The following MYH1 variants were observed in gnomAD, a reference collection of about 807,000 sequenced individuals.
MYH1 encodes the protein myosin heavy chain 1, also known as myosin-1.
In MYH1, 214 loss-of-function variants were observed where a neutral mutation model predicts 225.6. The observed-to-expected ratio is 0.95, with a 90% CI of 0.85 to 1.06. The LOEUF (loss-of-function observed/expected upper bound fraction) is 1.06. Ranked by LOEUF, MYH1 falls within the 50% of genes least tolerant of loss-of-function variation. The pLI is 0.00. For synonymous variants in MYH1, 774 were observed against 842.3 expected (o/e 0.92, Z 1.40); for missense variants, 2,098 against 2,344.2 (o/e 0.89, Z 2.17).
In MYH1 at chr17:10,501,620, G is replaced by C. The variant is rs755759148; in HGVS notation, c.3322C>G (p.Leu1108Val). The C allele has an allele frequency of 6.2e-7, 1 of 1,614,218 alleles. No individual in the cohort carries two copies. The highest frequency in any genetic ancestry group is 8.5e-7 in the Non-Finnish European group (1 of 1,180,044). ...TGTAACTCCTTGATTTTCTTCTGCA[G>C]CTGCATACCAAGGGCTTGTTCATCT... is the stretch of plus-strand genomic sequence containing the variant. ...IEDEQALGMQ[L>V]QKKIKELQAR... Residue 1108 changes from leucine to valine, a missense_variant, in exon 26 of 40, where the codon CTG (leucine) becomes GTG (valine). Transcript: ENST00000226207.
intron 39 of MYH1, among the ~76,000 whole-genome samples, chr17:10,493,880 C>G (rs903140678): frequency 6.6e-6 from 1 of 152,204 alleles, no homozygotes; most frequent in Non-Finnish European, 1.5e-5. Context: ...CAGAACCGAC[C>G]TGAAAAGCTT....
At position 10,516,190 on chromosome 17, in the gene MYH1, A is replaced by G. The variant is rs750923259; in HGVS notation, c.348+9T>C. The G allele has an allele frequency of 6.2e-7, 1 of 1,614,138 alleles. No individual in the cohort carries two copies. The highest frequency in any genetic ancestry group is 8.5e-7 in the Non-Finnish European group (1 of 1,179,962). ...TCTCATGAGTAGAAGACCGTGAGAA[A>G]GAACTCACGTAGATCATCCAGGCTG... On this transcript the variant is annotated intron_variant, in intron 4 of 39. Coordinates refer to ENST00000226207, the MANE Select transcript of MYH1 (RefSeq NM_005963.4).
At chr17:10,502,040 T>G in intron 24 of MYH1, 129 bp from the exon 25 acceptor site, 1 of 943,872 alleles carries the variant, frequency 1.1e-6, no homozygotes, top group Non-Finnish European at 1.5e-6. Context: ...GTCCCATTGA[T>G]TCCATTCTCC....
At chr17:10,510,726 A>C (rs1359382588) in intron 14 of MYH1, among the ~76,000 whole-genome samples, 1 of 152,160 alleles carries the variant, frequency 6.6e-6, no homozygotes, top group Non-Finnish European at 1.5e-5. Context: ...TTCCATTATA[A>C]GACATGTCCA....
At chr17:10,516,817 G>T (rs2073234812) in intron 2 of MYH1, 135 bp from the exon 3 acceptor site, 3 of 720,748 alleles carry the variant, frequency 4.2e-6, no homozygotes, top group Non-Finnish European at 4.5e-6. Context: ...CCCTGGCTTG[G>T]TTGAGGATAA....
At chr17:10,511,083 A>G (rs560394532) in intron 14 of MYH1, among the ~76,000 whole-genome samples, 96 of 151,660 alleles carry the variant, frequency 6.3e-4, no homozygotes, top group African/African-American at 2.3e-3. Flanking sequence ...GTTGGCTTGG[A>G]AATGTCTGGA....
At chr17:10,497,505 A>G in intron 31 of MYH1, 53 bp from the exon 32 acceptor site, 2 of 1,568,206 alleles carry the variant, frequency 1.3e-6, no homozygotes, top group Non-Finnish European at 1.7e-6. Flanking sequence ...TGATGAGATA[A>G]AAACCATCTA....
intron 17 of MYH1, 149 bp downstream of exon 17, chr17:10,507,737 C>T (rs1404360295): frequency 4.6e-6 from 3 of 657,856 alleles, no homozygotes; most frequent in Non-Finnish European, 8.0e-6. Context: ...TCCTCAAGCT[C>T]CCTAAAACTC....
At chr17:10,495,677 C>T (rs1464787454) in intron 35 of MYH1, among the ~76,000 whole-genome samples, 1 of 137,292 alleles carries the variant, frequency 7.3e-6, no homozygotes, top group African/African-American at 2.7e-5. Context: ...AGGAGAATGG[C>T]GTGAGCCCGG....
intron 39 of MYH1, among the ~76,000 whole-genome samples, chr17:10,494,059 T>G (rs1275439081): frequency 6.6e-6 from 1 of 152,178 alleles, no homozygotes; most frequent in East Asian, 1.9e-4. Flanking sequence ...GAAGACCCTA[T>G]GAGCTGCCTC....
chr17:10,494,354 C>A lies in MYH1; in HGVS notation c.5667G>T (p.Ala1889=), dbSNP rs145273788. The A allele has an allele frequency of 7.4e-6, 12 of 1,613,826 alleles. No individual in the cohort carries two copies. Among genetic ancestry groups the A allele is most frequent in the Non-Finnish European group, 1.0e-5 (12 of 1,179,954 alleles). ...VKSYKRQAEE[A]EEQSNVNLSK... is the part of the protein sequence containing the mutation. ...TCACCCCAAGGGGTTGTGAACTCAC[C>A]GCTTCTTCAGCTTGTCTCTTGTAGG... The change falls in exon 39 of 40, where the codon GCG becomes GCT. Residue 1889 remains alanine (A), a splice_region_variant and synonymous_variant. Coordinates refer to ENST00000226207, the MANE Select transcript of MYH1 (RefSeq NM_005963.4).
At chr17:10,494,306 G>T in intron 39 of MYH1, 48 bp downstream of exon 39, 1 of 1,522,412 alleles carries the variant, frequency 6.6e-7, no homozygotes, top group Non-Finnish European at 9.0e-7. Context: ...TAACTAAACT[G>T]GCCTGGTCAT....
At chr17:10,499,262 A>C (rs2073029256) in intron 28 of MYH1, among the ~76,000 whole-genome samples, 170 bp from the exon 29 acceptor site, 1 of 152,230 alleles carries the variant, frequency 6.6e-6, no homozygotes, top group South Asian at 2.1e-4. Flanking sequence ...TGTAAAAATT[A>C]GAAGCATGGA....
chr17:10,512,437 T>C lies in MYH1; in HGVS notation c.1118A>G (p.Glu373Gly). ...GNMKFKQKQR[E>G]EQAEPDGTEV... Reference sequence around the variant, plus strand: ...AGTGCCATCTGGCTCAGCTTGCTCCTCACGCTGCTTTTGCTTGAATTTCAT... The same window carrying C: ...AGTGCCATCTGGCTCAGCTTGCTCCCCACGCTGCTTTTGCTTGAATTTCAT... Residue 373 changes from glutamate (E) to glycine (G), a missense_variant, in exon 12 of 40, where the codon GAG (glutamate) becomes GGG (glycine). Coordinates refer to ENST00000226207, the MANE Select transcript of MYH1 (RefSeq NM_005963.4). The C allele has an allele frequency of 6.2e-7, 1 of 1,614,178 alleles. No homozygotes were observed. Among genetic ancestry groups the C allele is most frequent in the Non-Finnish European group, 8.5e-7 (1 of 1,180,010 alleles).
intron 14 of MYH1, among the ~76,000 whole-genome samples, chr17:10,510,548 G>A (rs945553600): frequency 2.0e-5 from 3 of 152,158 alleles, no homozygotes; most frequent in Admixed American, 2.0e-4. Context: ...GAGTAGACCT[G>A]CCCTGCTTTA....
Position 10,509,612 on chromosome 17 carries a change from T to C in MYH1, c.1460A>G (p.Lys487Arg). 3.7e-6 allele frequency: 6 copies of C among 1,614,228 alleles called. No homozygotes were observed. The highest frequency in any genetic ancestry group is 5.1e-6 in the Non-Finnish European group (6 of 1,180,038). ...EQLCINFTNE[K>R]LQQFFNHHMF... ...GTGGTGGTTGAAAAACTGTTGCAGT[T>C]TCTCATTGGTGAAGTTGATGCACAG... Residue 487 changes from lysine (K) to arginine (R), a missense_variant, in exon 15 of 40, where the codon AAA becomes AGA. Physicochemically the swap from Lys to Arg is conservative, Grantham distance 26. Transcript: ENST00000226207.
At position 10,511,838 on chromosome 17, in the gene MYH1, C is replaced by T. The variant is rs2073172539; in HGVS notation, c.1416+1G>A. The T allele has an allele frequency of 1.2e-6, 2 of 1,614,158 alleles. No homozygotes were observed. Among genetic ancestry groups the T allele is most frequent in the Non-Finnish European group, 1.7e-6 (2 of 1,180,004 alleles). On this transcript the variant is annotated splice_donor_variant, in intron 14 of 39. Coordinates refer to ENST00000226207, the MANE Select transcript of MYH1 (RefSeq NM_005963.4). LOFTEE classifies it high-confidence loss of function. The stretch of plus-strand genomic sequence containing the variant: ...TTGGTACAATTTTTCTGCTAACTCA[C>T]ATCAAAGATCTCAAAGCCAGCAATG...
At chr17:10,509,925 G>A (rs1178346059) in intron 14 of MYH1, among the ~76,000 whole-genome samples, 2 of 152,090 alleles carry the variant, frequency 1.3e-5, no homozygotes, top group East Asian at 3.9e-4. Flanking sequence ...ACTAACGCAG[G>A]AACAGAAAAC....
At position 10,500,642 on chromosome 17, in the gene MYH1, G is replaced by C. The variant is rs1441760737; in HGVS notation, c.3849C>G (p.Arg1283=). ...ATGGCCCACCTGATTCTGTTTGCAG[G>C]CGCGCTCTCTGTGCTGTGAGGTCAT... ...LINDLTAQRA[R]LQTESGEYSR... is the part of the protein sequence containing the mutation. The change falls in exon 28 of 40, where the codon CGC becomes CGG. Residue 1283 remains arginine (R), a synonymous_variant. Transcript: ENST00000226207. 1 of 1,613,324 alleles carries C rather than the reference G, an allele frequency of 6.2e-7. No homozygotes were observed. The highest frequency in any genetic ancestry group is 8.5e-7 in the Non-Finnish European group (1 of 1,180,006).
Sources: gnomAD v4.1 joint callset for allele counts (sites outside exome capture counted in the v4.1 genomes callset) on GRCh38, gnomAD v4.1.1 for gene constraint, MANE v1.5 for transcripts, NCBI Gene and HGNC (gene_info 2026-07-23, HGNC 2026-07-21) for gene names.